APBA2: variants seen among roughly 807,000 people sequenced by gnomAD.
APBA2 encodes the protein amyloid-beta A4 precursor protein-binding family A member 2.
Under a neutral mutation model 75.0 loss-of-function variants are expected in APBA2, and 30 were observed. The observed-to-expected ratio is 0.40, with a 90% CI of 0.30 to 0.54. The LOEUF is 0.54. Among genes scored for constraint, APBA2 ranks in the 20% least tolerant of loss-of-function variants. The probability of loss-of-function intolerance (pLI) is 0.49; values close to 1 mark genes in which losing one functional copy is unlikely to be tolerated. For missense variants in APBA2, 801 were observed against 1,016.1 expected, an observed-to-expected ratio of 0.79 and a Z score of 2.88; for synonymous variants, 444 against 409.6, an observed-to-expected ratio of 1.08 and a Z score of -1.01.
intron 2 of APBA2, among the ~76,000 whole-genome samples, chr15:28,943,433 C>A (rs777486463): frequency 1.3e-5 from 2 of 152,212 alleles, no homozygotes. Context: ...CCTGCATCTG[C>A]GACTTCCAAA....
At chr15:28,891,805 G>A (rs1469348445) in intron 1 of APBA2, among the ~76,000 whole-genome samples, 2 of 152,132 alleles carry the variant, frequency 1.3e-5, no homozygotes, top group Non-Finnish European at 2.9e-5. Context: ...ACAGTCATGC[G>A]TCACATGACA....
intron 4 of APBA2, among the ~76,000 whole-genome samples, chr15:29,059,910 A>G (rs2042058407): frequency 6.6e-6 from 1 of 152,188 alleles, no homozygotes; most frequent in Non-Finnish European, 1.5e-5. Context: ...CACGTTCGCT[A>G]TAGCGGAGAC....
chr15:29,103,831 C>T (rs560808394), intron 10 of APBA2, among the ~76,000 whole-genome samples: 1 of 152,340 alleles, frequency 6.6e-6, no homozygotes, highest in Admixed American at 6.5e-5. Context: ...TCCGCTCTTC[C>T]CAAAGGCCCG....
intron 4 of APBA2, among the ~76,000 whole-genome samples, chr15:29,064,943 C>G (rs1267849809): frequency 6.6e-6 from 1 of 152,116 alleles, no homozygotes; most frequent in Non-Finnish European, 1.5e-5. Context: ...GGTAGATGGA[C>G]AGTGTCTATA....
At chr15:28,892,567 A>G (rs1567411357) in intron 1 of APBA2, among the ~76,000 whole-genome samples, 1 of 151,650 alleles carries the variant, frequency 6.6e-6, no homozygotes, top group African/African-American at 2.4e-5. Context: ...TGTTTGCACA[A>G]TGATGAAATT....
chr15:29,106,471 C>G (rs8031840), intron 11 of APBA2, 136 bp from the exon 12 acceptor site: 83,190 of 1,005,706 alleles, frequency 0.083, 4,003 homozygotes, highest in Middle Eastern at 0.12. Flanking sequence ...CCTCTCCTGG[C>G]TGAGATGAGC....
chr15:29,098,628 C>T (rs1380483876), intron 9 of APBA2, 52 bp downstream of exon 9: 4 of 1,423,982 alleles, frequency 2.8e-6, no homozygotes, highest in Non-Finnish European at 4.0e-6. Context: ...AAGTTCGACT[C>T]CTTCTTGTCC....
chr15:28,911,932 T>A (rs1207075632), intron 1 of APBA2, among the ~76,000 whole-genome samples: 1 of 152,252 alleles, frequency 6.6e-6, no homozygotes, highest in Non-Finnish European at 1.5e-5. Context: ...TAATTTGGAT[T>A]AGTGGGAAGT....
At chr15:29,022,893 G>A (rs2040022694) in intron 3 of APBA2, among the ~76,000 whole-genome samples, 1 of 151,866 alleles carries the variant, frequency 6.6e-6, no homozygotes, top group Non-Finnish European at 1.5e-5. Flanking sequence ...TTTTTTTCTT[G>A]AAAGTTTTGT....
rs150055246 is a variant in APBA2 at position 28,997,212 on chromosome 15, G to C, written c.-41+1406G>C. Among the ~76,000 whole-genome samples the C allele has an allele frequency of 3.3e-5, 5 of 152,268 alleles. No individual in the cohort carries two copies. In the East Asian group the frequency reaches 9.7e-4, roughly 29 times the overall value. ...TACACGGTGGCTCTCCGTGGAGGGA[G>C]CACATTCACAAGGCATTTAAGAGAT... On this transcript the variant is annotated intron_variant, in intron 3 of 14. Coordinates refer to ENST00000683413, the MANE Select transcript of APBA2 (RefSeq NM_001353788.2).
chr15:29,101,666 T>C lies in APBA2; in HGVS notation c.1406T>C (p.Leu469Pro), dbSNP rs2152962890. The C allele has an allele frequency of 2.5e-6, 4 of 1,613,768 alleles. No homozygotes were observed. The highest frequency in any genetic ancestry group is 3.4e-6 in the Non-Finnish European group (4 of 1,180,030). ...GCCGACATTGGGAACATTGTAGTGC[T>C]GATGGCCAGACGCCGCATGCCCCGG... Reference protein sequence around the residue: ...YIADIGNIVVLMARRRMPRSA... With the variant: ...YIADIGNIVVPMARRRMPRSA... Residue 469 changes from leucine to proline, a missense_variant, in exon 10 of 15, where the codon CTG becomes CCG. Physicochemically the swap from Leu to Pro is moderately conservative, Grantham distance 98. Around this residue, in one of 2 missense-constraint regions of APBA2, gnomAD observed 367 missense variants for 544.5 expected, o/e 0.67. Transcript: ENST00000683413.
In APBA2 at chr15:29,031,382, G is replaced by A. The variant is rs558175655; in HGVS notation, c.-40-22463G>A. On this transcript the variant is annotated intron_variant, in intron 3 of 14. Coordinates refer to ENST00000683413, the MANE Select transcript of APBA2 (RefSeq NM_001353788.2). ...AGGTGTCAGCAGGGCTGGCCTCCTCGGGCCGTCTCTCCTTGGCCTTGATGC... is the reference window on the plus strand; with the variant it reads ...AGGTGTCAGCAGGGCTGGCCTCCTCAGGCCGTCTCTCCTTGGCCTTGATGC... 5.1e-4 allele frequency among the ~76,000 whole-genome samples: 77 copies of A among 152,230 alleles called. No individual in the cohort carries two copies. The South Asian group carries it at 0.015, about 29-fold the overall frequency.
intron 2 of APBA2, among the ~76,000 whole-genome samples, chr15:28,926,853 C>T (rs1309498121): frequency 7.6e-6 from 1 of 131,534 alleles, no homozygotes; most frequent in African/African-American, 3.6e-5. Flanking sequence ...CTCTCTCTCT[C>T]TCTCTTTTTT....
chr15:28,924,961 G>A (rs1297590819), intron 2 of APBA2, among the ~76,000 whole-genome samples: 1 of 152,094 alleles, frequency 6.6e-6, no homozygotes, highest in East Asian at 1.9e-4. Flanking sequence ...ATGATGGCCA[G>A]TCTATGGGTG....
chr15:28,999,923 GCCGAAAGGCC>G (rs1448906114), intron 3 of APBA2, among the ~76,000 whole-genome samples: 1 of 152,154 alleles, frequency 6.6e-6, no homozygotes, highest in Non-Finnish European at 1.5e-5. Context: ...TCCAGTCCAG[GCCGAAAGGCC>G]TGAGAACCAG....
At chr15:29,056,610 C>CTCCCTTCCTCCCTCCCT (rs1555402764) in intron 4 of APBA2, among the ~76,000 whole-genome samples, 1 of 45,930 alleles carries the variant, frequency 2.2e-5, no homozygotes, top group Non-Finnish European at 3.8e-5. Flanking sequence ...CCCTCCCTCC[C>CTCCCTTCCTCCCTCCCT]TCCTTCTCTC....
chr15:28,953,822 C>A (rs2036019431), intron 2 of APBA2, among the ~76,000 whole-genome samples: 2 of 152,180 alleles, frequency 1.3e-5, no homozygotes, highest in African/African-American at 4.8e-5. Context: ...TCAGTCCATG[C>A]CCCTCTTCTC....
In APBA2 at chr15:29,005,454, G is replaced by T. The variant is rs375144603; in HGVS notation, c.-41+9648G>T. ...TTTTAAATTTTTAATTAGAGACAGG[G>T]TCTCATTGTGTTGCCCAGACTGGTC... On this transcript the variant is annotated intron_variant, in intron 3 of 14. Coordinates refer to ENST00000683413, the MANE Select transcript of APBA2 (RefSeq NM_001353788.2). Among the ~76,000 whole-genome samples, 5 of 152,234 alleles carry T rather than the reference G, an allele frequency of 3.3e-5. No homozygotes were observed. The South Asian group carries it at 1.0e-3, about 32-fold the overall frequency.
At chr15:29,045,307 G>T (rs978095285) in intron 3 of APBA2, among the ~76,000 whole-genome samples, 15 of 150,412 alleles carry the variant, frequency 1.0e-4, no homozygotes, top group Admixed American at 9.9e-4. Flanking sequence ...GGCCAGGCTG[G>T]TCTCAAACTC....
Sources: gnomAD v4.1 joint callset for allele counts (sites outside exome capture counted in the v4.1 genomes callset) on GRCh38, gnomAD v4.1.1 for gene constraint, gnomAD v4.1.1 regional missense constraint, MANE v1.5 for transcripts, NCBI Gene and HGNC (gene_info 2026-07-23, HGNC 2026-07-21) for gene names.